PPP3CC: variants seen among roughly 807,000 people sequenced by gnomAD.
The protein encoded by PPP3CC is serine/threonine-protein phosphatase 2B catalytic subunit gamma isoform.
In PPP3CC, 35 loss-of-function variants were observed where a neutral mutation model predicts 60.3. The ratio of observed to expected loss-of-function variants is 0.58; its 90% confidence interval spans 0.44 to 0.77. The LOEUF (loss-of-function observed/expected upper bound fraction) is 0.77. PPP3CC is among the 30% of genes least tolerant of loss of function. PPP3CC has a pLI of 0.00. For missense variants in PPP3CC, 570 were observed against 628.9 expected (o/e 0.91, Z 1.00); for synonymous variants, 206 against 224.3 (o/e 0.92, Z 0.73).
intron 1 of PPP3CC, among the ~76,000 whole-genome samples, chr8:22,445,288 T>C (rs1160324848): frequency 6.6e-6 from 1 of 152,168 alleles, no homozygotes; most frequent in Non-Finnish European, 1.5e-5. Context: ...GATTTCAATC[T>C]CTGGTACCTA....
chr8:22,508,457 T>G (rs1386829011), intron 4 of PPP3CC, among the ~76,000 whole-genome samples: 2 of 152,220 alleles, frequency 1.3e-5, no homozygotes, highest in Non-Finnish European at 2.9e-5. Context: ...TCATAGCCTA[T>G]TTTATTCACA....
chr8:22,479,347 T>C (rs1308285164), intron 3 of PPP3CC, among the ~76,000 whole-genome samples: 1 of 152,146 alleles, frequency 6.6e-6, no homozygotes, highest in Non-Finnish European at 1.5e-5. Context: ...GCCTTTTTTC[T>C]TCTTTTACAT....
intron 4 of PPP3CC, among the ~76,000 whole-genome samples, chr8:22,502,696 C>T (rs1838796658): frequency 6.6e-6 from 1 of 152,016 alleles, no homozygotes; most frequent in African/African-American, 2.4e-5. Flanking sequence ...AAACAAAAGA[C>T]AGGCAGACCA....
intron 12 of PPP3CC, 147 bp from the exon 13 acceptor site, chr8:22,539,322 G>A (rs1458267921): frequency 1.3e-5 from 8 of 599,150 alleles, no homozygotes; most frequent in African/African-American, 5.7e-5. Context: ...TAATCTTCTC[G>A]CTTCTCTAAC....
intron 3 of PPP3CC, among the ~76,000 whole-genome samples, chr8:22,488,688 C>T (rs1838295735): frequency 6.6e-6 from 1 of 152,200 alleles, no homozygotes; most frequent in South Asian, 2.1e-4. Context: ...AGAACCAAAT[C>T]AGAGGAAGGA....
In PPP3CC at chr8:22,540,950, C is replaced by A; in HGVS notation, c.*148C>A. On this transcript the variant is annotated 3_prime_UTR_variant, in exon 14 of 14. Transcript: ENST00000240139. The stretch of plus-strand genomic sequence containing the variant: ...CTGCATTTATTCTGTAAAAAGGTGG[C>A]TGTTTTATAAATTCTTTTAATTTAT... The A allele has an allele frequency of 1.5e-6, 1 of 650,094 alleles. No individual in the cohort carries two copies. Among genetic ancestry groups the A allele is most frequent in the Non-Finnish European group, 2.3e-6 (1 of 438,088 alleles). 40.3% of individuals were successfully genotyped at this position (650,094 alleles called of 1,614,324 possible). A position where few individuals can be genotyped will look rare whatever the true frequency, so the allele number is the denominator to read the frequency against.
In PPP3CC at chr8:22,540,871, A is replaced by C. The variant is rs866092562; in HGVS notation, c.*69A>C. On this transcript the variant is annotated 3_prime_UTR_variant, in exon 14 of 14. Transcript: ENST00000240139. ...CAAATTCTATTTATTTATTATTGGA[A>C]AATGAAAAGCAACTCAAAACAACTT... 5.9e-6 allele frequency: 8 copies of C among 1,364,854 alleles called. No homozygotes were observed. The highest frequency in any genetic ancestry group is 2.0e-4 in the Middle Eastern group (1 of 5,014). The allele number at this position is 1,364,854 out of a possible 1,614,324, so 84.5% of individuals were successfully genotyped here.
At chr8:22,461,181 T>C (rs1383386449) in intron 1 of PPP3CC, among the ~76,000 whole-genome samples, 1 of 152,172 alleles carries the variant, frequency 6.6e-6, no homozygotes, top group African/African-American at 2.4e-5. Context: ...TTGTGAGCCA[T>C]ATTTAGCAAA....
chr8:22,446,302 G>A (rs746950478), intron 1 of PPP3CC, among the ~76,000 whole-genome samples: 1 of 152,126 alleles, frequency 6.6e-6, no homozygotes. Flanking sequence ...ATGGGCAACA[G>A]TGGGGAAAAT....
intron 6 of PPP3CC, among the ~76,000 whole-genome samples, chr8:22,516,347 T>A: frequency 6.6e-6 from 1 of 152,228 alleles, no homozygotes; most frequent in East Asian, 1.9e-4. Context: ...TAATACATAT[T>A]CATTGTTGTC....
At chr8:22,531,066 TA>T (rs1839701034) in intron 10 of PPP3CC, among the ~76,000 whole-genome samples, 2 of 152,306 alleles carry the variant, frequency 1.3e-5, no homozygotes, top group Non-Finnish European at 2.9e-5. Flanking sequence ...AGATGTGAAT[TA>T]ATGTAAAACC....
intron 3 of PPP3CC, among the ~76,000 whole-genome samples, chr8:22,490,216 T>C (rs1838358727): frequency 6.6e-6 from 1 of 152,174 alleles, no homozygotes; most frequent in South Asian, 2.1e-4. Flanking sequence ...TCCAGTGGTC[T>C]TGAAATGTTA....
At chr8:22,527,317 C>T in intron 8 of PPP3CC, 75 bp from the exon 9 acceptor site, 1 of 1,509,436 alleles carries the variant, frequency 6.6e-7, no homozygotes, top group Admixed American at 1.8e-5. Flanking sequence ...GTAGCAGGTA[C>T]ACAGCTGTAC....
chr8:22,475,790 T>G (rs1189952124), intron 3 of PPP3CC, 166 bp downstream of exon 3: 2 of 690,810 alleles, frequency 2.9e-6, no homozygotes, highest in Admixed American at 7.3e-5. Flanking sequence ...GAACAGTTAT[T>G]CCTTTTTTAA....
chr8:22,535,540 GAATGT>G (rs1839825208), intron 12 of PPP3CC, among the ~76,000 whole-genome samples: 1 of 151,792 alleles, frequency 6.6e-6, no homozygotes, highest in South Asian at 2.1e-4. Context: ...GCCCAGGCTA[GAATGT>G]AATGGCTAGG....
chr8:22,491,682 A>G (rs1838410286), intron 3 of PPP3CC, among the ~76,000 whole-genome samples: 1 of 152,224 alleles, frequency 6.6e-6, no homozygotes, highest in Non-Finnish European at 1.5e-5. Flanking sequence ...CCCTAAAATA[A>G]TGAAGTAGTA....
chr8:22,469,122 G>A (rs1481178997), intron 1 of PPP3CC, among the ~76,000 whole-genome samples: 1 of 151,972 alleles, frequency 6.6e-6, no homozygotes, highest in Non-Finnish European at 1.5e-5. Context: ...AGAAAATATG[G>A]TATATATACA....
At chr8:22,518,352 G>A (rs1279449824) in intron 6 of PPP3CC, among the ~76,000 whole-genome samples, 2 of 152,074 alleles carry the variant, frequency 1.3e-5, no homozygotes, top group Non-Finnish European at 1.5e-5. Context: ...CACAATAGTT[G>A]TTCAAAAGTG....
chr8:22,470,963 T>A (rs961722862), intron 1 of PPP3CC, among the ~76,000 whole-genome samples: 2 of 152,240 alleles, frequency 1.3e-5, no homozygotes, highest in Non-Finnish European at 2.9e-5. Flanking sequence ...GCAACTGTAT[T>A]CATAATGGCT....
Sources: gnomAD v4.1 joint callset for allele counts (sites outside exome capture counted in the v4.1 genomes callset) on GRCh38, gnomAD v4.1.1 for gene constraint, MANE v1.5 for transcripts, NCBI Gene and HGNC (gene_info 2026-07-23, HGNC 2026-07-21) for gene names.